PLEKHA6: variants seen among roughly 807,000 people sequenced by gnomAD.
The protein encoded by PLEKHA6 is pleckstrin homology domain containing A6.
Under a neutral mutation model 116.7 loss-of-function variants are expected in PLEKHA6, and 60 were observed. The ratio of observed to expected loss-of-function variants is 0.51; its 90% confidence interval spans 0.42 to 0.64. The LOEUF (loss-of-function observed/expected upper bound fraction) is 0.64, where lower values mean the gene tolerates loss of function less well. PLEKHA6 is among the 30% of genes least tolerant of loss of function. The pLI is 0.00. For synonymous variants in PLEKHA6, 489 were observed against 556.1 expected (o/e 0.88, Z 1.70); for missense variants, 1,338 against 1,422.7 (o/e 0.94, Z 0.96).
At chr1:204,281,972 C>G (rs1422956972) in intron 1 of PLEKHA6, among the ~76,000 whole-genome samples, 1 of 152,176 alleles carries the variant, frequency 6.6e-6, no homozygotes. Context: ...CAGCTCCCAC[C>G]ACAGGCAGAA....
intron 12 of PLEKHA6, 62 bp downstream of exon 12, chr1:204,248,759 G>A (rs1664129003): frequency 6.7e-7 from 1 of 1,494,392 alleles, no homozygotes; most frequent in Non-Finnish European, 9.2e-7. Flanking sequence ...AAGCTGGGAG[G>A]TGGTGGCCCT....
rs757237403 is a variant in PLEKHA6 at position 204,259,229 on chromosome 1, G to T, written c.1007+29C>A. On this transcript the variant is annotated intron_variant, in intron 8 of 22. Coordinates refer to ENST00000272203, the MANE Select transcript of PLEKHA6 (RefSeq NM_014935.5). The surrounding 1 kb of genome is among the most constrained non-coding windows in gnomAD (Gnocchi z 4.6). The stretch of plus-strand genomic sequence containing the variant: ...ACGCTCTAGCCATAATACCATATCA[G>T]CCCCACCCCAGCCGCCGGCATGCCT... 4 of 1,605,960 alleles carry T rather than the reference G, an allele frequency of 2.5e-6. No homozygotes were observed. Among genetic ancestry groups the T allele is most frequent in the Non-Finnish European group, 3.4e-6 (4 of 1,177,128 alleles).
Position 204,306,998 on chromosome 1 carries a change from T to C in PLEKHA6, c.-94-32189A>G, listed in dbSNP as rs369904955. On this transcript the variant is annotated intron_variant, in intron 1 of 22. Coordinates refer to ENST00000272203, the MANE Select transcript of PLEKHA6 (RefSeq NM_014935.5). ...TAGTCACCTTCTAGAAATTAGATAT[T>C]TTCTTTAACTTTTTAATGAGAGACC... is the stretch of plus-strand genomic sequence containing the variant. Among the ~76,000 whole-genome samples the C allele has an allele frequency of 1.1e-4, 16 of 152,308 alleles. No homozygotes were observed. The East Asian group carries it at 1.9e-3, about 18-fold the overall frequency.
chr1:204,374,863 C>T (rs1055969425), intron 1 of PLEKHA6, among the ~76,000 whole-genome samples: 33 of 152,298 alleles, frequency 2.2e-4, no homozygotes, highest in African/African-American at 7.0e-4. Context: ...CCACTGCAAC[C>T]TGGTTTCTGT....
intron 3 of PLEKHA6, among the ~76,000 whole-genome samples, chr1:204,272,440 G>A (rs935933668): frequency 7.9e-5 from 12 of 152,030 alleles, no homozygotes; most frequent in South Asian, 2.1e-4. Flanking sequence ...CCAGTCTTGC[G>A]TTACCTTCTA....
At chr1:204,282,297 C>A (rs1668709844) in intron 1 of PLEKHA6, among the ~76,000 whole-genome samples, 1 of 152,308 alleles carries the variant, frequency 6.6e-6, no homozygotes, top group Middle Eastern at 3.4e-3. Context: ...ATCCTGACCT[C>A]CCACCCTAGC....
At chr1:204,373,049 A>G (rs1002142713) in intron 1 of PLEKHA6, among the ~76,000 whole-genome samples, 2 of 148,760 alleles carry the variant, frequency 1.3e-5, no homozygotes, top group African/African-American at 2.5e-5. Flanking sequence ...CTAGGACTAC[A>G]GGCATGTACC....
intron 1 of PLEKHA6, among the ~76,000 whole-genome samples, chr1:204,283,168 G>A (rs1050958695): frequency 1.2e-4 from 18 of 152,188 alleles, no homozygotes; most frequent in Non-Finnish European, 2.1e-4. Context: ...GGTGTCCTAC[G>A]GAGAGCAGCG....
intron 1 of PLEKHA6, among the ~76,000 whole-genome samples, chr1:204,357,979 C>A (rs1673461351): frequency 6.6e-6 from 1 of 152,162 alleles, no homozygotes. Flanking sequence ...CAGGCAGACA[C>A]ATTCAAAGTA....
rs61156938 is a variant in PLEKHA6, at chr1:204,234,954, TTATATATATATATATA to T, written c.2410-4384_2410-4369del. ...AAGTTAATACTTAATAAACTGCCCT[TTATATATATATATATA>T]TATATATATATATATATATATATAT... is the stretch of plus-strand genomic sequence containing the variant. On this transcript the variant is annotated intron_variant, in intron 17 of 22. Coordinates refer to ENST00000272203, the MANE Select transcript of PLEKHA6 (RefSeq NM_014935.5). Among the ~76,000 whole-genome samples the T allele has an allele frequency of 7.5e-3, 139 of 18,610 alleles. 1 individual carries two copies. Among genetic ancestry groups the T allele is most frequent in the Middle Eastern group, 0.05 (2 of 40 alleles). 12.2% of individuals were successfully genotyped at this position (18,610 alleles called of 152,430 possible).
At chr1:204,275,051 G>A in intron 1 of PLEKHA6, 1 of 428,788 alleles carries the variant, frequency 2.3e-6, no homozygotes, top group Non-Finnish European at 3.1e-6. Context: ...CTACTTACTA[G>A]AGTTCTCTGA....
chr1:204,322,459 C>T (rs1203188223), intron 1 of PLEKHA6, among the ~76,000 whole-genome samples: 6 of 152,210 alleles, frequency 3.9e-5, no homozygotes, highest in Admixed American at 6.5e-5. Flanking sequence ...CACCAGCTCC[C>T]TGGCGTGACT....
chr1:204,251,916 G>T (rs1664623573), intron 9 of PLEKHA6, among the ~76,000 whole-genome samples: 1 of 151,738 alleles, frequency 6.6e-6, no homozygotes, highest in African/African-American at 2.4e-5. Flanking sequence ...CACTGGCCAC[G>T]GTTGTCATCT....
At chr1:204,330,557 T>G (rs536360674) in intron 1 of PLEKHA6, among the ~76,000 whole-genome samples, 1 of 152,324 alleles carries the variant, frequency 6.6e-6, no homozygotes, top group Non-Finnish European at 1.5e-5. Flanking sequence ...GATAGTGCAA[T>G]AAACTCCTCT....
rs1347974149 is a variant in PLEKHA6, at chr1:204,377,617, CG to C, written c.48del (p.Tyr16Ter). On this transcript the variant is annotated frameshift_variant, in exon 1 of 5. Coordinates refer to the PLEKHA6 transcript ENST00000564627. LOFTEE classifies it high-confidence loss of function. ...AAGATTCTCCCACCGCCGTCAACTC[CG>C]TAGGCCCACCGGCCGGGCAGGTCCA... 1 of 152,326 alleles carries C rather than the reference CG, an allele frequency of 6.6e-6. No individual in the cohort carries two copies. Among genetic ancestry groups the C allele is most frequent in the Non-Finnish European group, 1.5e-5 (1 of 68,108 alleles). 9.4% of individuals were successfully genotyped at this position (152,326 alleles called of 1,614,324 possible).
At chr1:204,330,778 C>T (rs1672417884) in intron 1 of PLEKHA6, among the ~76,000 whole-genome samples, 1 of 152,292 alleles carries the variant, frequency 6.6e-6, no homozygotes, top group African/African-American at 2.4e-5. Flanking sequence ...GGAGGAGCTT[C>T]ATTCTGTCTT....
At chr1:204,263,457 C>G (rs1306404054) in intron 6 of PLEKHA6, among the ~76,000 whole-genome samples, 1 of 152,298 alleles carries the variant, frequency 6.6e-6, no homozygotes, top group African/African-American at 2.4e-5. Flanking sequence ...AGCTCCCCTC[C>G]CTTCCCTGGG....
At chr1:204,306,473 T>C (rs1385623343) in intron 1 of PLEKHA6, among the ~76,000 whole-genome samples, 1 of 152,160 alleles carries the variant, frequency 6.6e-6, no homozygotes, top group East Asian at 1.9e-4. Flanking sequence ...CCTCCCCCTC[T>C]TCCAAGGCTT....
At chr1:204,339,605 T>A (rs1200806051) in intron 1 of PLEKHA6, among the ~76,000 whole-genome samples, 1 of 152,146 alleles carries the variant, frequency 6.6e-6, no homozygotes, top group African/African-American at 2.4e-5. Flanking sequence ...CAATATAACT[T>A]CATAATTCAA....
Sources: allele counts gnomAD v4.1 joint callset (sites outside exome capture counted in the v4.1 genomes callset), GRCh38; gene constraint gnomAD v4.1.1; non-coding constraint Gnocchi (gnomAD v3.1); transcripts MANE v1.5; gene names NCBI Gene and HGNC (gene_info 2026-07-23, HGNC 2026-07-21).